The following RIMS3 variants were observed in gnomAD, a reference collection of about 807,000 sequenced individuals.
RIMS3 encodes the protein regulating synaptic membrane exocytosis protein 3.
Under a neutral mutation model 29.2 loss-of-function variants are expected in RIMS3, and 15 were observed. That is an observed-to-expected ratio of 0.51 (90% CI 0.34 to 0.79). The LOEUF (loss-of-function observed/expected upper bound fraction) is 0.79, where lower values mean the gene tolerates loss of function less well. Among genes scored for constraint, RIMS3 ranks in the 30% least tolerant of loss-of-function variants. RIMS3 has a pLI of 0.01. For synonymous variants in RIMS3, 161 were observed against 170.1 expected (o/e 0.95, Z 0.41); for missense variants, 342 against 421.4 (o/e 0.81, Z 1.65).
At chr1:40,681,506 TG>T in the RIMS3 span, 1 of 152,172 alleles carries the variant, frequency 6.6e-6, no homozygotes, top group Non-Finnish European at 1.5e-5. Flanking sequence ...ATTTCTGAGC[TG>T]GGCGACTTTG....
chr1:40,667,490 C>T (rs1642440852), upstream of RIMS3, among the ~76,000 whole-genome samples: 1 of 152,142 alleles, frequency 6.6e-6, no homozygotes, highest in African/African-American at 2.4e-5. Flanking sequence ...TCCCTTTGCA[C>T]ATCTGATGAA....
the RIMS3 span, among the ~76,000 whole-genome samples, chr1:40,686,895 C>T: frequency 5.3e-5 from 8 of 152,094 alleles, no homozygotes; most frequent in Non-Finnish European, 4.4e-5. Context: ...ACTCTCTTTT[C>T]CAGATTGCTT....
chr1:40,626,693 TGTG>T lies in RIMS3; in HGVS notation c.748_750del (p.His250del), dbSNP rs770643050. ...ATCTGGGCCATGCCCATGAAGCACT[TGTG>T]GTCCATGCGGCCATAGTCTCCCCAG... is the stretch of plus-strand genomic sequence containing the variant. On this transcript the variant is annotated inframe_deletion, in exon 8 of 8. Coordinates refer to ENST00000372684, the MANE Select transcript of RIMS3 (RefSeq NM_014747.3). 6.2e-7 allele frequency: 1 copy of T among 1,614,120 alleles called. No individual in the cohort carries two copies. Among genetic ancestry groups the T allele is most frequent in the South Asian group, 1.1e-5 (1 of 91,084 alleles).
the RIMS3 span, chr1:40,690,466 A>G: frequency 6.6e-6 from 1 of 152,078 alleles, no homozygotes; most frequent in Non-Finnish European, 1.5e-5. Context: ...ACACTTTTGC[A>G]ATTTACGAAG....
rs374411762 is a variant in RIMS3, at chr1:40,630,891, C to G, written c.473-1519G>C. On this transcript the variant is annotated intron_variant, in intron 5 of 7. Coordinates refer to ENST00000372684, the MANE Select transcript of RIMS3 (RefSeq NM_014747.3). ...GGATTTGGCTAATTCCCAGCCTTTG[C>G]TTTCAGCTGATCCTTGCCCTCTGAG... Among the ~76,000 whole-genome samples, 4 of 152,342 alleles carry G rather than the reference C, an allele frequency of 2.6e-5. No homozygotes were observed. The East Asian group carries it at 7.7e-4, about 29-fold the overall frequency.
chr1:40,687,283 T>C, the RIMS3 span, among the ~76,000 whole-genome samples: 1 of 151,148 alleles, frequency 6.6e-6, no homozygotes, highest in East Asian at 1.9e-4. Flanking sequence ...ACAGGCTTAA[T>C]GTCACTGAAA....
chr1:40,631,722 G>A (rs1646490331), intron 5 of RIMS3, among the ~76,000 whole-genome samples: 1 of 152,008 alleles, frequency 6.6e-6, no homozygotes, highest in Admixed American at 6.6e-5. Context: ...GCTTATGCCT[G>A]TAATCCCGGT....
the RIMS3 span, among the ~76,000 whole-genome samples, chr1:40,683,076 CT>C: frequency 6.6e-6 from 1 of 152,052 alleles, no homozygotes; most frequent in Admixed American, 6.6e-5. Flanking sequence ...TTACATACAA[CT>C]TTCTTTGCAT....
At chr1:40,634,377 G>A (rs946399637) in intron 4 of RIMS3, among the ~76,000 whole-genome samples, 1 of 152,188 alleles carries the variant, frequency 6.6e-6, no homozygotes, top group African/African-American at 2.4e-5. Flanking sequence ...GTCAACAACA[G>A]CCTAATATCA....
rs550935421 is a variant in RIMS3, at chr1:40,631,518, A to G, written c.472+1551T>C. On this transcript the variant is annotated intron_variant, in intron 5 of 7. Transcript: ENST00000372684. The stretch of plus-strand genomic sequence containing the variant: ...TGAAACCCCGTCTCTACTAAAATAC[A>G]AAGAAAAAAAATTAGCCATGTGTGG... 2.0e-3 allele frequency among the ~76,000 whole-genome samples: 308 copies of G among 152,178 alleles called. 1 individual carries two copies. Among genetic ancestry groups the G allele is most frequent in the Non-Finnish European group, 1.4e-3 (96 of 67,982 alleles).
At chr1:40,681,712 T>C in the RIMS3 span, among the ~76,000 whole-genome samples, 1 of 152,222 alleles carries the variant, frequency 6.6e-6, no homozygotes, top group Non-Finnish European at 1.5e-5. Context: ...ATAATTATCA[T>C]AGAGATCACT....
upstream of RIMS3, among the ~76,000 whole-genome samples, chr1:40,668,773 G>A (rs577406164): frequency 6.6e-6 from 1 of 152,158 alleles, no homozygotes; most frequent in East Asian, 1.9e-4. Flanking sequence ...CCATAAGTCA[G>A]TTTGAAAGAC....
In RIMS3 at chr1:40,642,771, C is replaced by A. The variant is rs140926942; in HGVS notation, c.-31-815G>T. Among the ~76,000 whole-genome samples the A allele has an allele frequency of 6.3e-5, 9 of 143,868 alleles. No homozygotes were observed. In the East Asian group the frequency reaches 1.8e-3, roughly 28 times the overall value. The allele number at this position is 143,868 out of a possible 152,430, so 94.4% of individuals were successfully genotyped here. On this transcript the variant is annotated intron_variant, in intron 2 of 7. Transcript: ENST00000372684. ...AGGAGTTCGAGACCAGCCTGACCAA[C>A]ATGGTGAAACCCCATCTCTACTAAA...
the RIMS3 span, among the ~76,000 whole-genome samples, chr1:40,679,521 T>C: frequency 1.3e-5 from 2 of 152,222 alleles, no homozygotes; most frequent in Non-Finnish European, 2.9e-5. Context: ...GTTGAAACAT[T>C]CAATAGTATT....
intron 7 of RIMS3, among the ~76,000 whole-genome samples, chr1:40,627,479 C>T (rs975197620): frequency 3.9e-5 from 6 of 152,190 alleles, no homozygotes; most frequent in East Asian, 1.9e-4. Flanking sequence ...CTACCCGCCT[C>T]GGCCTCCCAA....
intron 2 of RIMS3, among the ~76,000 whole-genome samples, chr1:40,644,603 G>T (rs1224368680): frequency 1.3e-5 from 2 of 152,222 alleles, no homozygotes; most frequent in Non-Finnish European, 2.9e-5. Flanking sequence ...CTCTGGGGGA[G>T]GGGGCTGCAG....
chr1:40,677,360 C>CA, the RIMS3 span, among the ~76,000 whole-genome samples: 1 of 151,720 alleles, frequency 6.6e-6, no homozygotes, highest in Non-Finnish European at 1.5e-5. Context: ...CCCAAGGTCA[C>CA]AAAGCAGGTT....
upstream of RIMS3, among the ~76,000 whole-genome samples, chr1:40,668,090 A>C (rs748450353): frequency 2.0e-5 from 3 of 152,038 alleles, no homozygotes; most frequent in Non-Finnish European, 4.4e-5. Context: ...GTCTCAACTA[A>C]AAATACAAAA....
the RIMS3 span, among the ~76,000 whole-genome samples, chr1:40,680,944 A>G: frequency 6.6e-6 from 1 of 152,084 alleles, no homozygotes; most frequent in African/African-American, 2.4e-5. Context: ...TTCTTTACCC[A>G]TATTCTGTCT....
Sources: gnomAD v4.1 joint callset for allele counts (sites outside exome capture counted in the v4.1 genomes callset) on GRCh38, gnomAD v4.1.1 for gene constraint, MANE v1.5 for transcripts, NCBI Gene and HGNC (gene_info 2026-07-23, HGNC 2026-07-21) for gene names.